Variants in FBXO15 observed in about 807,000 individuals in gnomAD.
FBXO15 encodes F-box protein 15.
FBXO15 carries 30 observed loss-of-function variants against 49.5 expected under a neutral mutation model. The observed-to-expected ratio is 0.61, with a 90% confidence interval of 0.45 to 0.82. The LOEUF is 0.82. FBXO15 is among the 40% of genes least tolerant of loss of function. The pLI is 0.00. For missense variants in FBXO15, 591 were observed against 631.5 expected (o/e 0.94, Z 0.69); for synonymous variants, 250 against 232.7 (o/e 1.07, Z -0.68).
At chr18:74,090,989 G>A (rs1201169597) in intron 8 of FBXO15, among the ~76,000 whole-genome samples, 2 of 152,004 alleles carry the variant, frequency 1.3e-5, no homozygotes, top group Non-Finnish European at 2.9e-5. Context: ...CTGTTAGTGG[G>A]GTACTAAAGT....
intron 5 of FBXO15, among the ~76,000 whole-genome samples, chr18:74,128,246 G>A (rs1194765707): frequency 6.6e-6 from 1 of 151,764 alleles, no homozygotes; most frequent in Non-Finnish European, 1.5e-5. Flanking sequence ...CAGAGCATGG[G>A]AAGAGAGCTC....
intron 9 of FBXO15, among the ~76,000 whole-genome samples, chr18:74,081,112 T>A (rs1209571646): frequency 6.6e-6 from 1 of 152,232 alleles, no homozygotes; most frequent in Non-Finnish European, 1.5e-5. Flanking sequence ...GTAAAATATC[T>A]CATTGCATCA....
At chr18:74,082,400 T>G (rs1286235154) in intron 8 of FBXO15, among the ~76,000 whole-genome samples, 1 of 152,164 alleles carries the variant, frequency 6.6e-6, no homozygotes, top group East Asian at 1.9e-4. Flanking sequence ...TGGAAACCGA[T>G]ATCTAGAATT....
intron 8 of FBXO15, among the ~76,000 whole-genome samples, chr18:74,108,149 A>T (rs1913852594): frequency 6.6e-6 from 1 of 152,200 alleles, no homozygotes; most frequent in Admixed American, 6.5e-5. Context: ...ATTACAAGGC[A>T]TACTAAAAAG....
chr18:74,106,442 T>C (rs893974903), intron 8 of FBXO15, among the ~76,000 whole-genome samples: 15 of 152,132 alleles, frequency 9.9e-5, no homozygotes, highest in Non-Finnish European at 1.9e-4. Context: ...CAATTGAACA[T>C]GAATAATGAA....
At chr18:74,106,667 T>G (rs181814461) in intron 8 of FBXO15, among the ~76,000 whole-genome samples, 7 of 152,308 alleles carry the variant, frequency 4.6e-5, no homozygotes, top group Admixed American at 3.9e-4. Context: ...GCAATATGGT[T>G]GCTATAAAAA....
chr18:74,108,959 C>T (rs1913890681), intron 8 of FBXO15, among the ~76,000 whole-genome samples: 2 of 152,120 alleles, frequency 1.3e-5, no homozygotes, highest in South Asian at 4.1e-4. Flanking sequence ...ATTCTCTACC[C>T]TGCAAAATTA....
At chr18:74,117,393 A>T (rs1236971301) in intron 8 of FBXO15, among the ~76,000 whole-genome samples, 4 of 152,204 alleles carry the variant, frequency 2.6e-5, no homozygotes, top group Non-Finnish European at 5.9e-5. Context: ...ATTGGCTTAA[A>T]TGTTACTCCA....
At chr18:74,136,836 A>G (rs1036820511) in intron 2 of FBXO15, among the ~76,000 whole-genome samples, 2 of 152,194 alleles carry the variant, frequency 1.3e-5, no homozygotes, top group Non-Finnish European at 2.9e-5. Flanking sequence ...CACAGATTGT[A>G]TCAAGGGTCG....
intron 2 of FBXO15, among the ~76,000 whole-genome samples, chr18:74,136,260 C>G (rs1978715654): frequency 6.6e-6 from 1 of 152,172 alleles, no homozygotes; most frequent in Non-Finnish European, 1.5e-5. Flanking sequence ...GGGTTCACTG[C>G]AGCCCAGAAC....
rs182218754 is a variant in FBXO15, at chr18:74,133,728, C to G, written c.332+2034G>C. Among the ~76,000 whole-genome samples, 365 of 152,260 alleles carry G rather than the reference C, an allele frequency of 2.4e-3. 2 individuals carry two copies. The highest frequency in any genetic ancestry group is 2.8e-3 in the Non-Finnish European group (192 of 68,028). On this transcript the variant is annotated intron_variant, in intron 3 of 9. Transcript: ENST00000419743. ...GGTGAAGCCTCAGGAAGCTTCTACA[C>G]GTGGCAGAAAACCAAGGCGAGCCAA...
intron 8 of FBXO15, among the ~76,000 whole-genome samples, chr18:74,102,167 C>T (rs966326951): frequency 6.6e-6 from 1 of 151,988 alleles, no homozygotes; most frequent in African/African-American, 2.4e-5. Flanking sequence ...AGTTAGTAAA[C>T]AGACAACCTA....
chr18:74,123,514 A>G lies in FBXO15; in HGVS notation c.996-4T>C, dbSNP rs2145189322. 1 of 1,587,022 alleles carries G rather than the reference A, an allele frequency of 6.3e-7. No homozygotes were observed. The highest frequency in any genetic ancestry group is 1.7e-4 in the Middle Eastern group (1 of 5,888). On this transcript the variant is annotated splice_region_variant and splice_polypyrimidine_tract_variant and intron_variant, in intron 7 of 9. Coordinates refer to ENST00000419743, the MANE Select transcript of FBXO15 (RefSeq NM_001142958.2). ...ATGTGGAGGCAGTTCATAGGGGCTG[A>G]AAAGCAAAACAAAAGAAACATACAA...
At chr18:74,096,899 T>C (rs1186566297) in intron 8 of FBXO15, 1 of 152,044 alleles carries the variant, frequency 6.6e-6, no homozygotes, top group Non-Finnish European at 1.5e-5. Context: ...CCAAATACTG[T>C]GAGTACCCAA....
chr18:74,137,188 C>G (rs1025833854), intron 2 of FBXO15, among the ~76,000 whole-genome samples: 7 of 150,824 alleles, frequency 4.6e-5, no homozygotes, highest in African/African-American at 1.7e-4. Flanking sequence ...TTAATTAAAT[C>G]AGTCCCCAAA....
Position 74,075,170 on chromosome 18 carries a change from A to G in FBXO15, c.1264-1440T>C, listed in dbSNP as rs1912209339. On this transcript the variant is annotated intron_variant, in intron 9 of 9. Coordinates refer to ENST00000419743, the MANE Select transcript of FBXO15 (RefSeq NM_001142958.2). The surrounding 1 kb of genome is among the most constrained non-coding windows in gnomAD (Gnocchi z 4.1). ...TGGCTCCCTCTCCGCCTCATGGAAC[A>G]ACACCTCATCCCCTCCCTCAGCCCT... Among the ~76,000 whole-genome samples the G allele has an allele frequency of 6.6e-6, 1 of 152,060 alleles. No individual in the cohort carries two copies. The highest frequency in any genetic ancestry group is 6.5e-5 in the Admixed American group (1 of 15,268).
At chr18:74,136,373 A>G (rs1399530982) in intron 2 of FBXO15, among the ~76,000 whole-genome samples, 1 of 152,100 alleles carries the variant, frequency 6.6e-6, no homozygotes, top group Non-Finnish European at 1.5e-5. Flanking sequence ...GTGCAATTTC[A>G]CCATGTTGCC....
intron 1 of FBXO15, among the ~76,000 whole-genome samples, chr18:74,142,750 A>G (rs1319988247): frequency 2.6e-5 from 4 of 152,174 alleles, no homozygotes; most frequent in Non-Finnish European, 5.9e-5. Flanking sequence ...CAGAGACCCT[A>G]TATCTAAAGA....
At chr18:74,146,174 C>T (rs1004745252) in intron 1 of FBXO15, among the ~76,000 whole-genome samples, 7 of 152,148 alleles carry the variant, frequency 4.6e-5, no homozygotes, top group African/African-American at 9.7e-5. Flanking sequence ...CAACTTAATA[C>T]GCTTTCTGCT....
Sources: allele counts gnomAD v4.1 joint callset (sites outside exome capture counted in the v4.1 genomes callset), GRCh38; gene constraint gnomAD v4.1.1; non-coding constraint Gnocchi (gnomAD v3.1); transcripts MANE v1.5; gene names NCBI Gene and HGNC (gene_info 2026-07-23, HGNC 2026-07-21).